Variants in TRIM33 observed in about 807,000 individuals in gnomAD.
TRIM33 encodes the protein E3 ubiquitin-protein ligase TRIM33.
TRIM33 carries 20 observed loss-of-function variants against 125.4 expected under a neutral mutation model. The observed-to-expected ratio is 0.16, with a 90% confidence interval of 0.11 to 0.23. TRIM33 has a LOEUF of 0.23. Among genes scored for constraint, TRIM33 ranks in the 10% least tolerant of loss-of-function variants. TRIM33 has a pLI of 1.00. For missense variants in TRIM33, 920 were observed against 1,411.4 expected (o/e 0.65, Z 5.58); for synonymous variants, 564 against 513.9 (o/e 1.10, Z -1.32).
At chr1:114,464,569 G>T (rs1650175734) in intron 1 of TRIM33, among the ~76,000 whole-genome samples, 181 bp from the exon 2 acceptor site, 2 of 152,182 alleles carry the variant, frequency 1.3e-5, no homozygotes, top group Middle Eastern at 6.8e-3. Context: ...TTTAGGAAAA[G>T]AAAAAACAAG....
At chr1:114,419,699 T>C (rs935193018) in intron 11 of TRIM33, among the ~76,000 whole-genome samples, 2 of 152,222 alleles carry the variant, frequency 1.3e-5, no homozygotes, top group Non-Finnish European at 1.5e-5. Context: ...TTCTGAACAA[T>C]TTTGTTAACA....
At chr1:114,440,551 A>C (rs971320750) in intron 4 of TRIM33, among the ~76,000 whole-genome samples, 12 of 152,332 alleles carry the variant, frequency 7.9e-5, no homozygotes, top group Admixed American at 2.0e-4. Context: ...CAACTATTTA[A>C]AATTTTAGAT....
chr1:114,470,014 G>A (rs1650542084), intron 1 of TRIM33, among the ~76,000 whole-genome samples: 1 of 152,110 alleles, frequency 6.6e-6, no homozygotes, highest in African/African-American at 2.4e-5. Context: ...AATGAAGCTG[G>A]CTTAAGGTGA....
At chr1:114,420,320 C>T in intron 11 of TRIM33, 1 of 1,013,786 alleles carries the variant, frequency 9.9e-7, no homozygotes, top group Non-Finnish European at 1.4e-6. Flanking sequence ...TAACCCCATC[C>T]TTTTCTCAGC....
chr1:114,413,757 T>C (rs1249263830), intron 11 of TRIM33, among the ~76,000 whole-genome samples: 3 of 151,564 alleles, frequency 2.0e-5, no homozygotes, highest in Non-Finnish European at 4.4e-5. Flanking sequence ...TTGGCTCATA[T>C]CTGTAATCAC....
intron 11 of TRIM33, among the ~76,000 whole-genome samples, chr1:114,418,021 C>T (rs958683188): frequency 2.0e-5 from 3 of 152,160 alleles, no homozygotes; most frequent in African/African-American, 4.8e-5. Context: ...TGCATCAGTT[C>T]GTTTTCACAC....
chr1:114,422,558 T>G (rs1331230991), intron 10 of TRIM33, among the ~76,000 whole-genome samples: 1 of 152,086 alleles, frequency 6.6e-6, no homozygotes, highest in Non-Finnish European at 1.5e-5. Flanking sequence ...TTTCCACCAC[T>G]TTCGCAACTG....
At chr1:114,485,257 G>A (rs1366899819) in intron 1 of TRIM33, among the ~76,000 whole-genome samples, 1 of 151,510 alleles carries the variant, frequency 6.6e-6, no homozygotes, top group Non-Finnish European at 1.5e-5. Context: ...TTAAATAAAG[G>A]CGACTTTAAT....
In TRIM33 at chr1:114,399,593, T is replaced by C; in HGVS notation, c.2984A>G (p.Lys995Arg). 6.2e-7 allele frequency: 1 copy of C among 1,603,062 alleles called. No homozygotes were observed. Among genetic ancestry groups the C allele is most frequent in the Middle Eastern group, 1.7e-4 (1 of 6,016 alleles). The stretch of plus-strand genomic sequence containing the variant: ...TAAATCCATTGGTTTCTTTATAATT[T>C]TATAGTAGTTTGGTATCTAAAATAA... ...PVPASIPNYYKIIKKPMDLST... is the reference protein window; with the variant it reads ...PVPASIPNYYRIIKKPMDLST... Residue 995 changes from lysine (K) to arginine (R), a missense_variant, in exon 18 of 20, where the codon AAA (lysine) becomes AGA (arginine). Transcript: ENST00000358465.
intron 1 of TRIM33, among the ~76,000 whole-genome samples, chr1:114,502,641 G>T (rs959382218): frequency 6.6e-6 from 1 of 151,990 alleles, no homozygotes; most frequent in African/African-American, 2.4e-5. Flanking sequence ...TGAGTAGCTG[G>T]AACTACAGGC....
At chr1:114,401,567 G>A (rs1470631342) in intron 16 of TRIM33, 104 bp from the exon 17 acceptor site, 3 of 841,892 alleles carry the variant, frequency 3.6e-6, no homozygotes, top group Non-Finnish European at 5.5e-6. Context: ...ACAACAAACT[G>A]AACACAAGCC....
intron 11 of TRIM33, among the ~76,000 whole-genome samples, chr1:114,419,819 T>C (rs1653165434): frequency 6.6e-6 from 1 of 152,242 alleles, no homozygotes; most frequent in South Asian, 2.1e-4. Flanking sequence ...TGTTTCACCA[T>C]AGTAACCAGT....
chr1:114,456,436 T>C (rs1270027993), intron 4 of TRIM33, among the ~76,000 whole-genome samples: 1 of 152,222 alleles, frequency 6.6e-6, no homozygotes, highest in East Asian at 1.9e-4. Flanking sequence ...AGATGGCTCA[T>C]GGAGACTAAC....
chr1:114,421,698 C>A (rs1217649162), intron 10 of TRIM33, 62 bp from the exon 11 acceptor site: 21 of 1,512,574 alleles, frequency 1.4e-5, no homozygotes, highest in South Asian at 5.8e-5. Context: ...ATAAACTATA[C>A]CTTTATAATT....
intron 16 of TRIM33, 83 bp from the exon 17 acceptor site, chr1:114,401,546 A>G (rs572012023): frequency 2.7e-5 from 32 of 1,167,938 alleles, no homozygotes; most frequent in Non-Finnish European, 3.5e-5. Context: ...ATATCACAAC[A>G]AAGTTTGATT....
intron 1 of TRIM33, chr1:114,468,533 G>T: frequency 2.5e-6 from 1 of 401,218 alleles, no homozygotes; most frequent in South Asian, 2.1e-5. Flanking sequence ...TAGATGACTT[G>T]AACTTCTTTA....
At chr1:114,471,280 A>T (rs1181825701) in intron 1 of TRIM33, among the ~76,000 whole-genome samples, 2 of 152,102 alleles carry the variant, frequency 1.3e-5, no homozygotes, top group Non-Finnish European at 2.9e-5. Context: ...AACTCTACTA[A>T]AAATACAAAA....
chr1:114,480,501 G>GA (rs1651257578), intron 1 of TRIM33, among the ~76,000 whole-genome samples: 1 of 94,378 alleles, frequency 1.1e-5, no homozygotes, highest in South Asian at 3.7e-4. Flanking sequence ...AAAAAGAAGT[G>GA]AAAAGGCCCT....
intron 11 of TRIM33, among the ~76,000 whole-genome samples, chr1:114,411,840 G>A (rs946618742): frequency 1.3e-5 from 2 of 152,116 alleles, no homozygotes; most frequent in African/African-American, 4.8e-5. Flanking sequence ...AATAAAGTTA[G>A]AAGTCTAACT....
Sources: gnomAD v4.1 joint callset for allele counts (sites outside exome capture counted in the v4.1 genomes callset) on GRCh38, gnomAD v4.1.1 for gene constraint, MANE v1.5 for transcripts, NCBI Gene and HGNC (gene_info 2026-07-23, HGNC 2026-07-21) for gene names.